Variants in GALNT1 observed in about 807,000 individuals in gnomAD.
GALNT1 encodes GalNAc transferase 1.
In GALNT1, 17 loss-of-function variants were observed where a neutral mutation model predicts 65.7. The ratio of observed to expected loss-of-function variants is 0.26; its 90% CI spans 0.18 to 0.39. The LOEUF is 0.39. Ranked by LOEUF, GALNT1 falls within the 10% of genes least tolerant of loss-of-function variation. The pLI, the probability that GALNT1 is intolerant of heterozygous loss-of-function variation, is 1.00. For synonymous variants in GALNT1, 210 were observed against 219.7 expected, an observed-to-expected ratio of 0.96 and a Z score of 0.39; for missense variants, 460 against 672.8, an observed-to-expected ratio of 0.68 and a Z score of 3.50.
chr18:35,697,148 A>G lies in GALNT1; in HGVS notation c.1299+4828A>G, dbSNP rs529772318. On this transcript the variant is annotated intron_variant, in intron 9 of 11. Coordinates refer to ENST00000269195, the MANE Select transcript of GALNT1 (RefSeq NM_020474.4). ...TCTGTGGATAAAGGAAAGAAAACCA[A>G]CGGTTACTGTGTGCCTGCTATGTAT... Among the ~76,000 whole-genome samples, 219 of 152,266 alleles carry G rather than the reference A, an allele frequency of 1.4e-3. 2 individuals are homozygous for G. Among genetic ancestry groups the G allele is most frequent in the African/African-American group, 3.7e-3 (155 of 41,550 alleles).
Position 35,616,037 on chromosome 18 carries a change from T to C in GALNT1, c.-104+34175T>C, listed in dbSNP as rs2046780100. Among the ~76,000 whole-genome samples, 5 of 152,206 alleles carry C rather than the reference T, an allele frequency of 3.3e-5. No individual in the cohort carries two copies. In the South Asian group the frequency reaches 1.0e-3, roughly 31 times the overall value. ...AGAGTGGCTGCATTCCCATAAAATT[T>C]TATTTACAAAAATACTAGTTTGCCA... On this transcript the variant is annotated intron_variant, in intron 1 of 11. Transcript: ENST00000269195.
intron 9 of GALNT1, among the ~76,000 whole-genome samples, chr18:35,700,448 C>T (rs2048142246): frequency 6.6e-6 from 1 of 152,182 alleles, no homozygotes; most frequent in Non-Finnish European, 1.5e-5. Flanking sequence ...CTCACCTGGG[C>T]CTCACTGACC....
At chr18:35,700,650 A>C (rs2048145766) in intron 9 of GALNT1, among the ~76,000 whole-genome samples, 1 of 152,178 alleles carries the variant, frequency 6.6e-6, no homozygotes, top group African/African-American at 2.4e-5. Context: ...TGTTATGTAC[A>C]AATCTCTTAC....
intron 1 of GALNT1, among the ~76,000 whole-genome samples, chr18:35,651,373 TC>T (rs1340942734): frequency 6.6e-6 from 1 of 152,188 alleles, no homozygotes; most frequent in Non-Finnish European, 1.5e-5. Context: ...GAAAAAAACT[TC>T]AAAATGTAAT....
upstream of GALNT1, chr18:35,581,441 C>T (rs1287438361): frequency 6.8e-6 from 1 of 146,426 alleles, no homozygotes; most frequent in Non-Finnish European, 1.5e-5. Flanking sequence ...CGGGTGAGCG[C>T]CGGCGCCCCC....
chr18:35,683,593 T>C lies in GALNT1; in HGVS notation c.684T>C (p.His228=), dbSNP rs1311508682. 6.2e-7 allele frequency: 1 copy of C among 1,613,076 alleles called. No homozygotes were observed. The highest frequency in any genetic ancestry group is 8.5e-7 in the Non-Finnish European group (1 of 1,179,492). ...AGCCTCTCTTGGCCAGGATCAAACA[T>C]GACAGGTAATTTTCTGGTGTCTGTA... ...WLEPLLARIK[H]DRRTVVCPII... is the part of the protein sequence containing the mutation. Residue 228 remains histidine, a synonymous_variant, in exon 5 of 12, where the codon CAT becomes CAC. Coordinates refer to ENST00000269195, the MANE Select transcript of GALNT1 (RefSeq NM_020474.4).
At chr18:35,649,725 A>G (rs2047285115) in intron 1 of GALNT1, among the ~76,000 whole-genome samples, 1 of 152,156 alleles carries the variant, frequency 6.6e-6, no homozygotes, top group East Asian at 1.9e-4. Flanking sequence ...TAGTTCAAAA[A>G]TTTGAGTTAA....
chr18:35,663,209 G>A (rs911032519), intron 2 of GALNT1, among the ~76,000 whole-genome samples: 4 of 152,112 alleles, frequency 2.6e-5, no homozygotes, highest in Non-Finnish European at 5.9e-5. Context: ...GGCAGTGGGT[G>A]GCTGTTTGAC....
rs1001113172 is a variant in GALNT1, at chr18:35,710,525, T to G, written c.*755T>G. 6.6e-6 allele frequency: 1 copy of G among 152,304 alleles called. No individual in the cohort carries two copies. The highest frequency in any genetic ancestry group is 1.5e-5 in the Non-Finnish European group (1 of 68,028). The allele number at this position is 152,304 out of a possible 1,614,324, so 9.4% of individuals were successfully genotyped here. On this transcript the variant is annotated 3_prime_UTR_variant, in exon 12 of 12. Transcript: ENST00000269195. ...TTTAATTTCTCTCTACAGTTTTTTTTGTTTGGTTTGTGGGCTGTTGGAATT... is the reference window on the plus strand; with the variant it reads ...TTTAATTTCTCTCTACAGTTTTTTTGGTTTGGTTTGTGGGCTGTTGGAATT...
intron 1 of GALNT1, among the ~76,000 whole-genome samples, chr18:35,620,809 A>G (rs547345889): frequency 6.6e-6 from 1 of 151,566 alleles, no homozygotes; most frequent in Non-Finnish European, 1.5e-5. Flanking sequence ...ATTATAAACA[A>G]TCCTGCAATC....
intron 2 of GALNT1, among the ~76,000 whole-genome samples, chr18:35,655,790 A>ACTTT (rs1362708087): frequency 6.6e-6 from 1 of 152,148 alleles, no homozygotes; most frequent in Non-Finnish European, 1.5e-5. Flanking sequence ...TACCAACTTA[A>ACTTT]CTTTAATTGT....
chr18:35,597,518 C>T (rs537150997), intron 1 of GALNT1: 11 of 152,336 alleles, frequency 7.2e-5, no homozygotes, highest in African/African-American at 2.6e-4. Flanking sequence ...GTGCTTTTCT[C>T]AGTAGAATTT....
intron 1 of GALNT1, among the ~76,000 whole-genome samples, chr18:35,642,183 A>G (rs559427106): frequency 6.6e-6 from 1 of 152,374 alleles, no homozygotes; most frequent in East Asian, 1.9e-4. Flanking sequence ...AGGAATGGTC[A>G]TAGCAGTATT....
intron 3 of GALNT1, among the ~76,000 whole-genome samples, chr18:35,670,376 G>A (rs1296275474): frequency 6.6e-6 from 1 of 152,124 alleles, no homozygotes; most frequent in Non-Finnish European, 1.5e-5. Context: ...ATTTCTATAT[G>A]TTGTTTTCTT....
chr18:35,602,973 T>C (rs1222817077), intron 1 of GALNT1, among the ~76,000 whole-genome samples: 1 of 152,216 alleles, frequency 6.6e-6, no homozygotes, highest in East Asian at 1.9e-4. Context: ...TCTCTATATG[T>C]CTTGTCTTTC....
intron 1 of GALNT1, among the ~76,000 whole-genome samples, chr18:35,615,412 A>T (rs566690611): frequency 3.3e-5 from 5 of 152,292 alleles, no homozygotes; most frequent in Middle Eastern, 3.4e-3. Context: ...ACACTGTATT[A>T]AAAAAAGCAA....
chr18:35,606,675 A>AT (rs1158897651), intron 1 of GALNT1, among the ~76,000 whole-genome samples: 3 of 152,154 alleles, frequency 2.0e-5, no homozygotes, highest in Admixed American at 6.5e-5. Flanking sequence ...ACTTCTCATT[A>AT]TAGGAAGACC....
chr18:35,584,281 A>C (rs756196285), intron 1 of GALNT1, among the ~76,000 whole-genome samples: 2 of 152,188 alleles, frequency 1.3e-5, no homozygotes, highest in Non-Finnish European at 2.9e-5. Flanking sequence ...CTTATGTAAC[A>C]TACAACTTTG....
chr18:35,598,990 C>A (rs530806989), intron 1 of GALNT1, among the ~76,000 whole-genome samples: 2 of 129,058 alleles, frequency 1.5e-5, no homozygotes, highest in South Asian at 2.4e-4. Context: ...TGTATCCAGG[C>A]GTTTTTTTTT....
Sources: allele counts gnomAD v4.1 joint callset (sites outside exome capture counted in the v4.1 genomes callset), GRCh38; gene constraint gnomAD v4.1.1; transcripts MANE v1.5; gene names NCBI Gene and HGNC (gene_info 2026-07-23, HGNC 2026-07-21).